BUB3: variants seen among roughly 807,000 people sequenced by gnomAD.
BUB3 encodes BUB3 mitotic checkpoint protein.
Under a neutral mutation model 39.9 loss-of-function variants are expected in BUB3, and 22 were observed. The ratio of observed to expected loss-of-function variants is 0.55; its 90% CI spans 0.39 to 0.79. The LOEUF is 0.79. BUB3 is among the 30% of genes least tolerant of loss of function. BUB3 has a pLI of 0.00. For missense variants in BUB3, 303 were observed against 415.4 expected (o/e 0.73, Z 2.35); for synonymous variants, 168 against 155.1 (o/e 1.08, Z -0.62).
chr10:123,159,516 A>AT (rs1844392735), intron 4 of BUB3, among the ~76,000 whole-genome samples: 5 of 152,170 alleles, frequency 3.3e-5, no homozygotes, highest in African/African-American at 1.2e-4. Flanking sequence ...TCAGGAGAAT[A>AT]TTTTTTTGCC....
At chr10:123,162,956 G>A in intron 7 of BUB3, 128 bp downstream of exon 7, 1 of 885,830 alleles carries the variant, frequency 1.1e-6, no homozygotes, top group Non-Finnish European at 1.7e-6. Context: ...GGTTGGAGTT[G>A]ATGTTATCAT....
chr10:123,162,219 T>C lies in BUB3; in HGVS notation c.577-17T>C, dbSNP rs1844433216. 2 of 1,591,256 alleles carry C rather than the reference T, an allele frequency of 1.3e-6. No homozygotes were observed. Among genetic ancestry groups the C allele is most frequent in the Non-Finnish European group, 1.7e-6 (2 of 1,170,918 alleles). On this transcript the variant is annotated splice_polypyrimidine_tract_variant and intron_variant, in intron 5 of 7. Coordinates refer to ENST00000368865, the MANE Select transcript of BUB3 (RefSeq NM_004725.4). Reference sequence around the variant, plus strand: ...GCTGGAATTTACCATTTTTTTCCTCTGGTTCTCTCTTGGCAGGGTTATGTA... The same window carrying C: ...GCTGGAATTTACCATTTTTTTCCTCCGGTTCTCTCTTGGCAGGGTTATGTA...
In BUB3 at chr10:123,164,673, T is replaced by G. The variant is rs1844466104; in HGVS notation, c.*838T>G. 2 of 1,010,360 alleles carry G rather than the reference T, an allele frequency of 2.0e-6. No individual in the cohort carries two copies. Among genetic ancestry groups the G allele is most frequent in the Admixed American group, 1.1e-4 (2 of 17,974 alleles). The allele number at this position is 1,010,360 out of a possible 1,614,324, so 62.6% of individuals were successfully genotyped here. On this transcript the variant is annotated 3_prime_UTR_variant, in exon 8 of 8. Transcript: ENST00000368865. ...TGGAAACATTAATGAGGTTTACATA[T>G]TTCTCTGACATTTATATAGTTCTTA...
chr10:123,161,560 CTT>C (rs761827902), intron 5 of BUB3, among the ~76,000 whole-genome samples: 115 of 152,184 alleles, frequency 7.6e-4, no homozygotes, highest in East Asian at 1.7e-3. Flanking sequence ...ATTTTACTGA[CTT>C]ATATATTTCT....
intron 7 of BUB3, 195 bp downstream of exon 7, chr10:123,163,023 G>A: frequency 1.7e-6 from 1 of 575,928 alleles, no homozygotes; most frequent in Non-Finnish European, 3.0e-6. Flanking sequence ...ATAAAATTGT[G>A]CCTAGTTGTT....
chr10:123,162,901 T>C (rs1844444653), intron 7 of BUB3, 73 bp downstream of exon 7: 12 of 1,399,360 alleles, frequency 8.6e-6, no homozygotes, highest in Non-Finnish European at 1.1e-5. Flanking sequence ...TCTAAATTCA[T>C]GAATAGCATT....
Position 123,163,994 on chromosome 10 carries a change from TAAA to T in BUB3, c.*160_*162del. 1 of 1,326,944 alleles carries T rather than the reference TAAA, an allele frequency of 7.5e-7. No individual in the cohort carries two copies. The highest frequency in any genetic ancestry group is 3.0e-5 in the East Asian group (1 of 33,860). 82.2% of individuals were successfully genotyped at this position (1,326,944 alleles called of 1,614,324 possible). ...AAAGAGGTTTTTGAATTTTTTTTTT[TAAA>T]TAAACACCTTCTTAAGTGCATGAGA... On this transcript the variant is annotated 3_prime_UTR_variant, in exon 8 of 8. Coordinates refer to ENST00000368865, the MANE Select transcript of BUB3 (RefSeq NM_004725.4).
At chr10:123,157,606 G>A (rs1844366588) in intron 3 of BUB3, 123 bp from the exon 4 acceptor site, 1 of 1,120,984 alleles carries the variant, frequency 8.9e-7, no homozygotes. Flanking sequence ...ATTTCCATGG[G>A]GTTGGATGAG....
rs1844341383 is a variant in BUB3, at chr10:123,155,737, C to T, written c.265+10C>T. 1.9e-6 allele frequency: 3 copies of T among 1,611,654 alleles called. No individual in the cohort carries two copies. The highest frequency in any genetic ancestry group is 1.1e-5 in the South Asian group (1 of 91,026). On this transcript the variant is annotated intron_variant, in intron 3 of 7. Transcript: ENST00000368865. Reference sequence around the variant, plus strand: ...TTGAACACTGATCAAGGTAATGTGACCATATCTTTACCAGTTTGTTTTCTT... The same window carrying T: ...TTGAACACTGATCAAGGTAATGTGATCATATCTTTACCAGTTTGTTTTCTT...
rs1844495550 is a variant in BUB3, at chr10:123,166,630, C to G, written c.*2795C>G. The G allele has an allele frequency of 6.6e-6, 1 of 152,158 alleles. No homozygotes were observed. The highest frequency in any genetic ancestry group is 2.4e-5 in the African/African-American group (1 of 41,430). 9.4% of individuals were successfully genotyped at this position (152,158 alleles called of 1,614,324 possible). On this transcript the variant is annotated 3_prime_UTR_variant, in exon 8 of 8. Coordinates refer to ENST00000368865, the MANE Select transcript of BUB3 (RefSeq NM_004725.4). ...TCATACTTGGAATCCTCCACTGCTT[C>G]CTGTTGCTCATAGTCACCCTTCAGT... is the stretch of plus-strand genomic sequence containing the variant.
chr10:123,164,627 TTCTATC>T lies in BUB3; in HGVS notation c.*797_*802del. 1.0e-6 allele frequency: 1 copy of T among 992,806 alleles called. No homozygotes were observed. 61.5% of individuals were successfully genotyped at this position (992,806 alleles called of 1,614,324 possible). ...TAGACAGGCATCTATTTGGACCTGT[TTCTATC>T]TCTAAATGAATTTTTGGAAACATTA... is the stretch of plus-strand genomic sequence containing the variant. On this transcript the variant is annotated 3_prime_UTR_variant, in exon 8 of 8. Coordinates refer to ENST00000368865, the MANE Select transcript of BUB3 (RefSeq NM_004725.4).
intron 2 of BUB3, among the ~76,000 whole-genome samples, chr10:123,155,435 C>G (rs570824920): frequency 6.6e-6 from 1 of 152,274 alleles, no homozygotes; most frequent in East Asian, 1.9e-4. Flanking sequence ...TATGTTTACC[C>G]TCAGCTAGCG....
Position 123,155,652 on chromosome 10 carries a change from T to G in BUB3, c.196-6T>G, listed in dbSNP as rs763336716. The G allele has an allele frequency of 2.9e-5, 46 of 1,613,608 alleles. No individual in the cohort carries two copies. Among genetic ancestry groups the G allele is most frequent in the South Asian group, 9.9e-5 (9 of 91,078 alleles). Reference sequence around the variant, plus strand: ...AGTTTTTAAACGGTTCAAAACTATTTTATAGGATCCAACGCATGCCTGGAG... The same window carrying G: ...AGTTTTTAAACGGTTCAAAACTATTGTATAGGATCCAACGCATGCCTGGAG... On this transcript the variant is annotated splice_region_variant and splice_polypyrimidine_tract_variant and intron_variant, in intron 2 of 7. Transcript: ENST00000368865.
Position 123,169,711 on chromosome 10 carries a change from G to A in BUB3, c.*5876G>A, listed in dbSNP as rs1310426268. 2.0e-5 allele frequency: 3 copies of A among 152,210 alleles called. No individual in the cohort carries two copies. The highest frequency in any genetic ancestry group is 7.2e-5 in the African/African-American group (3 of 41,466). The allele number at this position is 152,210 out of a possible 1,614,324, so 9.4% of individuals were successfully genotyped here. ...ATCTTTGAGCCCACTCACTCAGAGG[G>A]CCTGTCACTCATCCAGAATTGAATC... On this transcript the variant is annotated 3_prime_UTR_variant, in exon 8 of 8. Transcript: ENST00000368865.
At position 123,162,766 on chromosome 10, in the gene BUB3, C is replaced by T. The variant is rs769647696; in HGVS notation, c.909C>T (p.Asp303=). Residue 303 remains aspartate, a synonymous_variant, in exon 7 of 8, where the codon GAC becomes GAT. Coordinates refer to ENST00000368865, the MANE Select transcript of BUB3 (RefSeq NM_004725.4). ...CATCATATATGTATGAAATGGATGA[C>T]ACAGAACATCCTGAAGATGGTATCT... ...IASSYMYEMD[D]TEHPEDGIFI... 2 of 1,613,954 alleles carry T rather than the reference C, an allele frequency of 1.2e-6. No homozygotes were observed. The highest frequency in any genetic ancestry group is 1.7e-6 in the Non-Finnish European group (2 of 1,179,974).
At position 123,169,869 on chromosome 10, in the gene BUB3, C is replaced by A. The variant is rs1475524669; in HGVS notation, c.*6034C>A. 1 of 152,138 alleles carries A rather than the reference C, an allele frequency of 6.6e-6. No individual in the cohort carries two copies. The highest frequency in any genetic ancestry group is 1.5e-5 in the Non-Finnish European group (1 of 68,048). The allele number at this position is 152,138 out of a possible 1,614,324, so 9.4% of individuals were successfully genotyped here. A position where few individuals can be genotyped will look rare whatever the true frequency, so the allele number is the denominator to read the frequency against. On this transcript the variant is annotated 3_prime_UTR_variant, in exon 8 of 8. Transcript: ENST00000368865. ...AGCTAAGTTAATTTGTGAGCCTGGG[C>A]AACATGGCGTGACCCATCTCTACAA...
chr10:123,162,178 C>A, intron 5 of BUB3, 58 bp from the exon 6 acceptor site: 1 of 1,501,150 alleles, frequency 6.7e-7, no homozygotes, highest in Non-Finnish European at 9.1e-7. Context: ...TGGGAATTAG[C>A]ACCTTGTTTT....
At chr10:123,159,076 A>G (rs1844386708) in intron 4 of BUB3, among the ~76,000 whole-genome samples, 1 of 152,174 alleles carries the variant, frequency 6.6e-6, no homozygotes, top group Admixed American at 6.5e-5. Flanking sequence ...CTTAATTTTC[A>G]TTTTACTGCA....
At position 123,164,240 on chromosome 10, in the gene BUB3, A is replaced by G. The variant is rs1374088557; in HGVS notation, c.*405A>G. 2 of 990,828 alleles carry G rather than the reference A, an allele frequency of 2.0e-6. No homozygotes were observed. The highest frequency in any genetic ancestry group is 1.7e-5 in the African/African-American group (1 of 57,342). The allele number at this position is 990,828 out of a possible 1,614,324, so 61.4% of individuals were successfully genotyped here. On this transcript the variant is annotated 3_prime_UTR_variant, in exon 8 of 8. Transcript: ENST00000368865. ...GAGCCATTTGTTTCTTTTGCTGGTT[A>G]TAGTTGCTAATTCTAAAGCTGCTTC...
Sources: allele counts gnomAD v4.1 joint callset (sites outside exome capture counted in the v4.1 genomes callset), GRCh38; gene constraint gnomAD v4.1.1; transcripts MANE v1.5; gene names NCBI Gene and HGNC (gene_info 2026-07-23, HGNC 2026-07-21).